The following TRIO variants were observed in gnomAD, a reference collection of about 807,000 sequenced individuals.
TRIO encodes trio Rho guanine nucleotide exchange factor.
A neutral mutation model predicts 351.9 loss-of-function variants in TRIO; 58 were observed. That is an observed-to-expected ratio of 0.16 (90% CI 0.13 to 0.21). The LOEUF (loss-of-function observed/expected upper bound fraction) is 0.21, where lower values mean the gene tolerates loss of function less well. TRIO is among the 10% of genes least tolerant of loss of function. The pLI, the probability that TRIO is intolerant of heterozygous loss-of-function variation, is 1.00. For synonymous variants in TRIO, 1,758 were observed against 1,595.7 expected (o/e 1.10, Z -2.42); for missense variants, 3,201 against 4,027.8 (o/e 0.79, Z 5.56).
chr5:14,322,732 A>G (rs921831970), intron 9 of TRIO, among the ~76,000 whole-genome samples: 2 of 152,218 alleles, frequency 1.3e-5, no homozygotes, highest in Non-Finnish European at 2.9e-5. Context: ...CATCAGAATC[A>G]TATAGCCCTA....
intron 8 of TRIO, among the ~76,000 whole-genome samples, chr5:14,310,681 G>C (rs950177499): frequency 6.6e-6 from 1 of 152,146 alleles, no homozygotes; most frequent in African/African-American, 2.4e-5. Flanking sequence ...GTTCCCTTGC[G>C]GTAGAGTCAC....
At chr5:14,494,389 G>T (rs529144447) in intron 49 of TRIO, among the ~76,000 whole-genome samples, 3 of 152,150 alleles carry the variant, frequency 2.0e-5, no homozygotes, top group African/African-American at 4.8e-5. Context: ...TTACAACACG[G>T]TTTACTGAGT....
At chr5:14,396,013 T>G (rs957236474) in intron 28 of TRIO, among the ~76,000 whole-genome samples, 1 of 121,762 alleles carries the variant, frequency 8.2e-6, no homozygotes, top group African/African-American at 3.4e-5. Context: ...GCCATTGCAC[T>G]CCAGCCTGGG....
chr5:14,461,454 A>G (rs776883488), intron 35 of TRIO, 143 bp downstream of exon 35: 150 of 1,234,832 alleles, frequency 1.2e-4, no homozygotes, highest in Non-Finnish European at 1.6e-4. Flanking sequence ...GTCTCTGCTT[A>G]GCAGACTGAG....
At chr5:14,167,880 C>G (rs1447925435) in intron 1 of TRIO, among the ~76,000 whole-genome samples, 3 of 152,202 alleles carry the variant, frequency 2.0e-5, no homozygotes, top group Admixed American at 6.5e-5. Flanking sequence ...ACATTCATTT[C>G]TTACTTAGTA....
intron 24 of TRIO, 103 bp downstream of exon 24, chr5:14,388,782 T>C (rs1197101737): frequency 1.5e-6 from 2 of 1,330,624 alleles, no homozygotes; most frequent in Non-Finnish European, 2.1e-6. Flanking sequence ...AATCACAATT[T>C]TTTTCTGTCA....
At chr5:14,294,025 ATAAT>A (rs1561302532) in intron 6 of TRIO, among the ~76,000 whole-genome samples, 8 of 150,312 alleles carry the variant, frequency 5.3e-5, no homozygotes, top group African/African-American at 1.8e-4. Context: ...AAAAAAAATA[ATAAT>A]TAAAAAATTA....
intron 48 of TRIO, chr5:14,488,699 C>T (rs535486949): frequency 3.8e-5 from 21 of 556,368 alleles, no homozygotes; most frequent in Non-Finnish European, 5.1e-5. Flanking sequence ...ATTATCTTTG[C>T]GGCATTTTTG....
At chr5:14,355,944 C>G (rs1483510060) in intron 11 of TRIO, among the ~76,000 whole-genome samples, 8 of 152,142 alleles carry the variant, frequency 5.3e-5, no homozygotes, top group Non-Finnish European at 1.0e-4. Context: ...TTTGAACTAG[C>G]TTATCTCTAA....
intron 7 of TRIO, among the ~76,000 whole-genome samples, chr5:14,301,401 T>A (rs1272604477): frequency 1.3e-5 from 2 of 152,112 alleles, no homozygotes; most frequent in East Asian, 3.9e-4. Context: ...AGATGCTTTG[T>A]GTTCACGTAT....
chr5:14,304,666 A>C lies in TRIO; in HGVS notation c.1500+74A>C, dbSNP rs1738203513. On this transcript the variant is annotated intron_variant, in intron 8 of 56. Coordinates refer to ENST00000344204, the MANE Select transcript of TRIO (RefSeq NM_007118.4). ...CATAGTACACCGGAAGCTAGAAAAA[A>C]AAAAGTTTTGGGTAGCCCAGAAAAA... is the stretch of plus-strand genomic sequence containing the variant. 2.6e-6 allele frequency: 4 copies of C among 1,530,728 alleles called. No homozygotes were observed. In the African/African-American group the frequency reaches 4.2e-5, roughly 16 times the overall value. The allele number at this position is 1,530,728 out of a possible 1,614,324, so 94.8% of individuals were successfully genotyped here.
chr5:14,292,747 G>T lies in TRIO; in HGVS notation c.1054-265G>T, dbSNP rs1737019661. Among the ~76,000 whole-genome samples the T allele has an allele frequency of 2.0e-5, 3 of 152,290 alleles. 1 individual carries two copies. The highest frequency in any genetic ancestry group is 6.8e-3 in the Middle Eastern group (2 of 294). The stretch of plus-strand genomic sequence containing the variant: ...GATCAGAGTTTTTAATCAGCCTGGG[G>T]GATTAGAGTAACTCTCTTTACTTAT... On this transcript the variant is annotated intron_variant, in intron 5 of 56. Coordinates refer to ENST00000344204, the MANE Select transcript of TRIO (RefSeq NM_007118.4).
chr5:14,415,823 C>A (rs897202436), intron 33 of TRIO, among the ~76,000 whole-genome samples: 2 of 152,020 alleles, frequency 1.3e-5, no homozygotes, highest in Non-Finnish European at 2.9e-5. Flanking sequence ...GGGTCCCTGG[C>A]CCCTGGTCCA....
chr5:14,351,403 C>T (rs963024457), intron 11 of TRIO, among the ~76,000 whole-genome samples: 1 of 152,318 alleles, frequency 6.6e-6, no homozygotes, highest in African/African-American at 2.4e-5. Flanking sequence ...GAAACTCCTA[C>T]TTCTGCTTCT....
chr5:14,256,796 G>T (rs949455115), intron 1 of TRIO, among the ~76,000 whole-genome samples: 1 of 152,216 alleles, frequency 6.6e-6, no homozygotes, highest in Non-Finnish European at 1.5e-5. Flanking sequence ...TGTTTTGGTC[G>T]CAGAGTTGAC....
At chr5:14,348,694 T>C (rs558930418) in intron 11 of TRIO, among the ~76,000 whole-genome samples, 72 of 152,318 alleles carry the variant, frequency 4.7e-4, no homozygotes, top group East Asian at 1.9e-3. Flanking sequence ...TGAGCATGTT[T>C]TTCCTGCATG....
chr5:14,199,281 G>C (rs963167244), intron 1 of TRIO, among the ~76,000 whole-genome samples: 1 of 150,846 alleles, frequency 6.6e-6, no homozygotes, highest in African/African-American at 2.4e-5. Context: ...ATTAAAGGCA[G>C]TTGTGAGGTA....
At position 14,457,604 on chromosome 5, in the gene TRIO, G is replaced by A. The variant is rs538829408; in HGVS notation, c.5204-3415G>A. Among the ~76,000 whole-genome samples, 3 of 152,088 alleles carry A rather than the reference G, an allele frequency of 2.0e-5. No individual in the cohort carries two copies. The East Asian group carries it at 5.8e-4, about 29-fold the overall frequency. On this transcript the variant is annotated intron_variant, in intron 34 of 56. Coordinates refer to ENST00000344204, the MANE Select transcript of TRIO (RefSeq NM_007118.4). ...TTTACAACAACTAGCTCCTTTCCCA[G>A]GCAAGGCTAAGTGTCCTGGGAATCA...
At chr5:14,444,457 G>A (rs1429797841) in intron 34 of TRIO, among the ~76,000 whole-genome samples, 1 of 152,196 alleles carries the variant, frequency 6.6e-6, no homozygotes, top group Non-Finnish European at 1.5e-5. Context: ...TTTAAGACAG[G>A]ATGTGCAGTA....
Sources: allele counts gnomAD v4.1 joint callset (sites outside exome capture counted in the v4.1 genomes callset), GRCh38; gene constraint gnomAD v4.1.1; transcripts MANE v1.5; gene names NCBI Gene and HGNC (gene_info 2026-07-23, HGNC 2026-07-21).